LRFN5: variants seen among roughly 807,000 people sequenced by gnomAD.
LRFN5 encodes the protein leucine-rich repeat and fibronectin type-III domain-containing protein 5.
A neutral mutation model predicts 45.6 loss-of-function variants in LRFN5; 24 were observed. The observed-to-expected ratio is 0.53, with a 90% CI of 0.38 to 0.74. LRFN5 has a LOEUF of 0.74. Ranked by LOEUF, LRFN5 falls within the 30% of genes least tolerant of loss-of-function variation. LRFN5 has a pLI of 0.00. For missense variants in LRFN5, 776 were observed against 861.5 expected (o/e 0.90, Z 1.24); for synonymous variants, 340 against 313.8 (o/e 1.08, Z -0.88).
intron 1 of LRFN5, among the ~76,000 whole-genome samples, chr14:41,694,321 A>G (rs999676014): frequency 6.6e-6 from 1 of 151,964 alleles, no homozygotes; most frequent in South Asian, 2.1e-4. Context: ...CTTTTGACCA[A>G]TAACTCCTCA....
chr14:41,791,384 TCTC>T (rs1317618496), intron 2 of LRFN5, among the ~76,000 whole-genome samples: 12 of 152,090 alleles, frequency 7.9e-5, no homozygotes, highest in African/African-American at 2.2e-4. Flanking sequence ...TATCTACCTG[TCTC>T]CTCAGCATAA....
At chr14:41,616,508 A>C (rs796983841) in intron 1 of LRFN5, among the ~76,000 whole-genome samples, 7 of 152,218 alleles carry the variant, frequency 4.6e-5, no homozygotes, top group African/African-American at 1.7e-4. Context: ...TATTTACTAA[A>C]TTAAGTTTTG....
At chr14:41,731,041 G>A (rs1884152504) in intron 1 of LRFN5, among the ~76,000 whole-genome samples, 2 of 151,922 alleles carry the variant, frequency 1.3e-5, no homozygotes, top group Non-Finnish European at 2.9e-5. Flanking sequence ...TATATTTCAA[G>A]ACTCTTAATA....
At chr14:41,709,847 C>A (rs1324916086) in intron 1 of LRFN5, among the ~76,000 whole-genome samples, 2 of 151,902 alleles carry the variant, frequency 1.3e-5, no homozygotes, top group African/African-American at 4.8e-5. Flanking sequence ...TAATATTTTA[C>A]TCCAATATAA....
rs934079895 is a variant in LRFN5 at position 41,838,050 on chromosome 14, G to A, written c.-20-48556G>A. On this transcript the variant is annotated intron_variant, in intron 2 of 5. Coordinates refer to ENST00000298119, the MANE Select transcript of LRFN5 (RefSeq NM_152447.5). ...ACCTGATTTGTGTGGTTTTTACATCGTTAAAGCACAGTGAATGTTGTAAAA... is the reference window on the plus strand; with the variant it reads ...ACCTGATTTGTGTGGTTTTTACATCATTAAAGCACAGTGAATGTTGTAAAA... 5.3e-5 allele frequency among the ~76,000 whole-genome samples: 8 copies of A among 152,100 alleles called. No homozygotes were observed. In the East Asian group the frequency reaches 5.8e-4, roughly 11 times the overall value.
chr14:41,868,528 A>G (rs1377216473), intron 2 of LRFN5, among the ~76,000 whole-genome samples: 1 of 152,130 alleles, frequency 6.6e-6, no homozygotes, highest in African/African-American at 2.4e-5. Context: ...TGGCCTCTCC[A>G]GAGGGCACAT....
At chr14:41,808,810 G>C (rs780112660) in intron 2 of LRFN5, among the ~76,000 whole-genome samples, 1 of 151,912 alleles carries the variant, frequency 6.6e-6, no homozygotes, top group African/African-American at 2.4e-5. Flanking sequence ...TAACTTTCAG[G>C]CTTTGAGTGT....
Position 41,663,795 on chromosome 14 carries a change from A to T in LRFN5, c.-197+55233A>T, listed in dbSNP as rs545702923. Reference sequence around the variant, plus strand: ...CATATTTATAGACTTGGAGTTAGAAAACATGGTAAGAGTTGCTAGTTTCAG... The same window carrying T: ...CATATTTATAGACTTGGAGTTAGAATACATGGTAAGAGTTGCTAGTTTCAG... On this transcript the variant is annotated intron_variant, in intron 1 of 5. Coordinates refer to ENST00000298119, the MANE Select transcript of LRFN5 (RefSeq NM_152447.5). Among the ~76,000 whole-genome samples, 4 of 152,136 alleles carry T rather than the reference A, an allele frequency of 2.6e-5. No individual in the cohort carries two copies. The East Asian group carries it at 7.7e-4, about 29-fold the overall frequency.
At chr14:41,788,088 G>T (rs1300404137) in intron 2 of LRFN5, among the ~76,000 whole-genome samples, 2 of 152,012 alleles carry the variant, frequency 1.3e-5, no homozygotes. Flanking sequence ...TGGATTTCTA[G>T]CCTCCAGAAC....
At chr14:41,709,413 C>G (rs569636732) in intron 1 of LRFN5, among the ~76,000 whole-genome samples, 19 of 152,124 alleles carry the variant, frequency 1.2e-4, no homozygotes, top group Middle Eastern at 6.8e-3. Context: ...TTTTTGAGGA[C>G]TAGAACTTGA....
At chr14:41,693,158 C>T (rs1882456115) in intron 1 of LRFN5, among the ~76,000 whole-genome samples, 2 of 151,966 alleles carry the variant, frequency 1.3e-5, no homozygotes, top group Admixed American at 1.3e-4. Flanking sequence ...GTCTTGAAAT[C>T]AAGTAGTGCA....
At position 41,628,985 on chromosome 14, in the gene LRFN5, G is replaced by A. The variant is rs553221966; in HGVS notation, c.-197+20423G>A. 2.6e-5 allele frequency among the ~76,000 whole-genome samples: 4 copies of A among 152,194 alleles called. No homozygotes were observed. In the South Asian group the frequency reaches 8.3e-4, roughly 32 times the overall value. ...CAACTTCCCATTTAGTGTGTAAACT[G>A]TTAAAATCCAGTTGTTAGGTTAGAT... On this transcript the variant is annotated intron_variant, in intron 1 of 5. Transcript: ENST00000298119.
intron 1 of LRFN5, among the ~76,000 whole-genome samples, chr14:41,757,424 C>T (rs553209900): frequency 6.6e-6 from 1 of 152,256 alleles, no homozygotes; most frequent in Admixed American, 6.5e-5. Context: ...TCTTCCTGGC[C>T]GCTTTGTTTA....
intron 1 of LRFN5, among the ~76,000 whole-genome samples, chr14:41,691,991 G>A (rs1041065604): frequency 5.3e-5 from 8 of 152,002 alleles, no homozygotes; most frequent in Admixed American, 5.2e-4. Flanking sequence ...ATGGATATTT[G>A]TGTTATTTTT....
chr14:41,879,098 A>G (rs2139134097), intron 2 of LRFN5, among the ~76,000 whole-genome samples: 1 of 152,172 alleles, frequency 6.6e-6, no homozygotes, highest in South Asian at 2.1e-4. Flanking sequence ...TTTATTGTAC[A>G]CTTACTCTTA....
At chr14:41,658,839 A>G (rs1360570076) in intron 1 of LRFN5, among the ~76,000 whole-genome samples, 1 of 151,974 alleles carries the variant, frequency 6.6e-6, no homozygotes, top group Non-Finnish European at 1.5e-5. Context: ...TATTAACTAA[A>G]TCTGTGATTC....
chr14:41,660,087 A>G (rs113992375), intron 1 of LRFN5, among the ~76,000 whole-genome samples: 115 of 152,162 alleles, frequency 7.6e-4, no homozygotes, highest in African/African-American at 2.6e-3. Flanking sequence ...ATGCAATGGC[A>G]TGATCTTGGC....
Position 41,734,333 on chromosome 14 carries a change from TATATATATATA to T in LRFN5, c.-196-32520_-196-32510del, listed in dbSNP as rs1566642887. ...GACTGGTTTTATATATATATATATA[TATATATATATA>T]TTTAAATTTGCTGTAACTTATTGAT... On this transcript the variant is annotated intron_variant, in intron 1 of 5. Coordinates refer to ENST00000298119, the MANE Select transcript of LRFN5 (RefSeq NM_152447.5). Among the ~76,000 whole-genome samples the T allele has an allele frequency of 8.5e-5, 9 of 105,824 alleles. 2 individuals carry two copies. The South Asian group carries it at 1.4e-3, about 17-fold the overall frequency. The allele number at this position is 105,824 out of a possible 152,430, so 69.4% of individuals were successfully genotyped here.
chr14:41,729,554 C>T (rs1199638852), intron 1 of LRFN5, among the ~76,000 whole-genome samples: 2 of 152,014 alleles, frequency 1.3e-5, no homozygotes, highest in Non-Finnish European at 2.9e-5. Flanking sequence ...TATTACCTAT[C>T]CTCATTTTCA....
Sources: allele counts gnomAD v4.1 joint callset (sites outside exome capture counted in the v4.1 genomes callset), GRCh38; gene constraint gnomAD v4.1.1; transcripts MANE v1.5; gene names NCBI Gene and HGNC (gene_info 2026-07-23, HGNC 2026-07-21).